The following PTPN4 variants were observed in gnomAD, a reference collection of about 807,000 sequenced individuals.
The protein encoded by PTPN4 is protein tyrosine phosphatase non-receptor type 4, also known as tyrosine-protein phosphatase non-receptor type 4.
PTPN4 carries 49 observed loss-of-function variants against 135.5 expected under a neutral mutation model. That is an observed-to-expected ratio of 0.36 (90% CI 0.29 to 0.46). The LOEUF is 0.46. PTPN4 is among the 20% of genes least tolerant of loss of function. The pLI, the probability that PTPN4 is intolerant of heterozygous loss-of-function variation, is 1.00. For synonymous variants in PTPN4, 333 were observed against 369.9 expected (o/e 0.90, Z 1.14); for missense variants, 860 against 1,101.0 (o/e 0.78, Z 3.10).
At chr2:119,800,592 T>C (rs1691344696) in intron 1 of PTPN4, among the ~76,000 whole-genome samples, 1 of 152,072 alleles carries the variant, frequency 6.6e-6, no homozygotes, top group African/African-American at 2.4e-5. Flanking sequence ...TTTTTTGTTG[T>C]TGTTTTTATG....
chr2:119,805,726 C>G (rs910286894), intron 1 of PTPN4, among the ~76,000 whole-genome samples: 8 of 152,118 alleles, frequency 5.3e-5, no homozygotes, highest in African/African-American at 1.7e-4. Context: ...ATGCCTCCAG[C>G]TTTGTTCTTT....
intron 2 of PTPN4, among the ~76,000 whole-genome samples, chr2:119,819,190 C>A (rs1574350794): frequency 6.6e-6 from 1 of 152,160 alleles, no homozygotes; most frequent in South Asian, 2.1e-4. Flanking sequence ...TTGGCAGGTG[C>A]CCCCAAGGAG....
Position 119,980,764 on chromosome 2 carries a change from G to A in PTPN4, c.*3694G>A, listed in dbSNP as rs781111686. 7.2e-5 allele frequency: 11 copies of A among 151,920 alleles called. No homozygotes were observed. The highest frequency in any genetic ancestry group is 1.6e-4 in the Non-Finnish European group (11 of 67,888). 9.4% of individuals were successfully genotyped at this position (151,920 alleles called of 1,614,324 possible). A position where few individuals can be genotyped will look rare whatever the true frequency, so the allele number is the denominator to read the frequency against. On this transcript the variant is annotated 3_prime_UTR_variant, in exon 27 of 27. Transcript: ENST00000263708. Reference sequence around the variant, plus strand: ...ATTAGGACCCCCACTCAGTTTGCTAGTCATGCCTGCCTGACAGAACATAAG... The same window carrying A: ...ATTAGGACCCCCACTCAGTTTGCTAATCATGCCTGCCTGACAGAACATAAG...
intron 2 of PTPN4, among the ~76,000 whole-genome samples, chr2:119,858,133 A>G (rs940203619): frequency 6.6e-6 from 1 of 152,220 alleles, no homozygotes; most frequent in Admixed American, 6.5e-5. Flanking sequence ...GAAGCTGAAC[A>G]GATATCTGTG....
chr2:119,974,508 C>T (rs1408687110), intron 26 of PTPN4, among the ~76,000 whole-genome samples: 1 of 152,140 alleles, frequency 6.6e-6, no homozygotes, highest in Non-Finnish European at 1.5e-5. Flanking sequence ...CGTGCCTAGC[C>T]TGTAGTTATT....
At chr2:119,911,218 A>C (rs1678566925) in intron 10 of PTPN4, among the ~76,000 whole-genome samples, 4 of 152,140 alleles carry the variant, frequency 2.6e-5, no homozygotes, top group Non-Finnish European at 1.5e-5. Context: ...AGAAAACTGC[A>C]GTTACTCATG....
At chr2:119,800,196 A>G (rs538035420) in intron 1 of PTPN4, among the ~76,000 whole-genome samples, 47 of 152,222 alleles carry the variant, frequency 3.1e-4, no homozygotes, top group African/African-American at 1.1e-3. Flanking sequence ...AAGATATTTG[A>G]ATTGTATGTA....
intron 15 of PTPN4, among the ~76,000 whole-genome samples, chr2:119,937,642 A>G (rs1196377340): frequency 6.6e-6 from 1 of 152,154 alleles, no homozygotes; most frequent in Non-Finnish European, 1.5e-5. Flanking sequence ...AATTGTGCAC[A>G]TTTTTTCACA....
chr2:119,946,722 G>A, intron 18 of PTPN4, 148 bp downstream of exon 18: 1 of 642,800 alleles, frequency 1.6e-6, no homozygotes, highest in Non-Finnish European at 2.6e-6. Flanking sequence ...TTAAGTTGCT[G>A]GGAAGTTAGT....
intron 1 of PTPN4, among the ~76,000 whole-genome samples, chr2:119,773,348 A>G (rs1157268874): frequency 6.6e-6 from 1 of 152,168 alleles, no homozygotes; most frequent in Admixed American, 6.5e-5. Flanking sequence ...TTTTTTTTCA[A>G]TAAATATATC....
chr2:119,966,461 T>C (rs1250895576), intron 25 of PTPN4, among the ~76,000 whole-genome samples: 1 of 152,180 alleles, frequency 6.6e-6, no homozygotes, highest in Non-Finnish European at 1.5e-5. Context: ...TTTTGCCACG[T>C]TGCCCAGGCT....
intron 3 of PTPN4, among the ~76,000 whole-genome samples, chr2:119,868,497 A>G (rs1336844444): frequency 6.6e-6 from 1 of 152,208 alleles, no homozygotes; most frequent in East Asian, 1.9e-4. Flanking sequence ...ACTGGCTCCA[A>G]AACTGGCCAT....
rs1002556250 is a variant in PTPN4, at chr2:119,960,702, G to C, written c.2134-105G>C. The C allele has an allele frequency of 2.2e-5, 22 of 1,001,734 alleles. No homozygotes were observed. The African/African-American group carries it at 3.5e-4, about 16-fold the overall frequency. 62.1% of individuals were successfully genotyped at this position (1,001,734 alleles called of 1,614,324 possible). ...TTTGTTTTACTGACGGCAGTTTATT[G>C]AGGTTAGTTGTATTCACTATAACAG... On this transcript the variant is annotated intron_variant, in intron 22 of 26. Transcript: ENST00000263708.
intron 9 of PTPN4, among the ~76,000 whole-genome samples, chr2:119,889,194 C>T (rs567597906): frequency 8.5e-5 from 13 of 152,166 alleles, no homozygotes; most frequent in Admixed American, 3.9e-4. Flanking sequence ...CCAAGACGGG[C>T]GGATCACGAG....
In PTPN4 at chr2:119,976,366, C is replaced by T. The variant is rs560378531; in HGVS notation, c.2695-618C>T. On this transcript the variant is annotated intron_variant, in intron 26 of 26. Coordinates refer to ENST00000263708, the MANE Select transcript of PTPN4 (RefSeq NM_002830.4). ...TTCTTAACATACATCAAGATAGATACTGTATTTTCTTCCCTTTCTTTTATA... is the reference window on the plus strand; with the variant it reads ...TTCTTAACATACATCAAGATAGATATTGTATTTTCTTCCCTTTCTTTTATA... 3.9e-5 allele frequency among the ~76,000 whole-genome samples: 6 copies of T among 152,030 alleles called. No homozygotes were observed. In the South Asian group the frequency reaches 1.2e-3, roughly 32 times the overall value.
intron 3 of PTPN4, among the ~76,000 whole-genome samples, chr2:119,873,784 C>T (rs1266091541): frequency 3.3e-5 from 5 of 152,102 alleles, no homozygotes; most frequent in Admixed American, 3.3e-4. Flanking sequence ...AGATGTAGCA[C>T]AGTAATCCAG....
intron 15 of PTPN4, chr2:119,935,247 T>C (rs1678965249): frequency 3.4e-6 from 1 of 294,972 alleles, no homozygotes; most frequent in Non-Finnish European, 6.2e-6. Flanking sequence ...AGGAGGAGGG[T>C]AGTTAAAGCA....
At chr2:119,890,644 T>A (rs776907935) in intron 9 of PTPN4, among the ~76,000 whole-genome samples, 6 of 152,210 alleles carry the variant, frequency 3.9e-5, no homozygotes, top group Non-Finnish European at 7.4e-5. Context: ...TGATACTGTT[T>A]GAGTCCTTTC....
chr2:119,970,558 A>G (rs1320660423), intron 26 of PTPN4, among the ~76,000 whole-genome samples: 1 of 152,166 alleles, frequency 6.6e-6, no homozygotes, highest in Non-Finnish European at 1.5e-5. Context: ...ATGAGATCAT[A>G]CACTTTGGTC....
Sources: allele counts gnomAD v4.1 joint callset (sites outside exome capture counted in the v4.1 genomes callset), GRCh38; gene constraint gnomAD v4.1.1; transcripts MANE v1.5; gene names NCBI Gene and HGNC (gene_info 2026-07-23, HGNC 2026-07-21).